Variants in RFLNA observed in about 807,000 individuals in gnomAD.
RFLNA encodes refilin-A.
In RFLNA, 5 loss-of-function variants were observed where a neutral mutation model predicts 7.8. The observed-to-expected ratio is 0.64, with a 90% CI of 0.34 to 1.35. The LOEUF (loss-of-function observed/expected upper bound fraction) is 1.35, where lower values mean the gene tolerates loss of function less well. Ranked by LOEUF, RFLNA falls within the 40% of genes most tolerant of loss-of-function variation. The pLI is 0.04. For missense variants in RFLNA, 278 were observed against 305.5 expected (o/e 0.91, Z 0.67); for synonymous variants, 141 against 131.3 (o/e 1.07, Z -0.50).
upstream of RFLNA, among the ~76,000 whole-genome samples, chr12:124,290,345 T>C (rs561773753): frequency 2.0e-5 from 3 of 151,740 alleles, no homozygotes; most frequent in Admixed American, 1.3e-4. This position sits in a 1 kb window ranked among gnomAD's most constrained non-coding sequence, Gnocchi z 4.0. Context: ...CATATGTGTG[T>C]GCATATGTGT....
intron 1 of RFLNA, among the ~76,000 whole-genome samples, chr12:124,300,865 T>C (rs2034023181): frequency 6.9e-6 from 1 of 145,142 alleles, no homozygotes; most frequent in Admixed American, 6.8e-5. Context: ...GGTGGATGGA[T>C]GGATGGATGA....
chr12:124,298,835 G>C (rs1203864187), intron 1 of RFLNA, among the ~76,000 whole-genome samples: 1 of 152,244 alleles, frequency 6.6e-6, no homozygotes. Flanking sequence ...GGGCTGAGAT[G>C]TGCTCAGTCC....
At chr12:124,313,495 G>A (rs1024632603) in intron 2 of RFLNA, among the ~76,000 whole-genome samples, 3 of 152,140 alleles carry the variant, frequency 2.0e-5, no homozygotes, top group Admixed American at 6.5e-5. Context: ...TGGCTAACAC[G>A]GTGAAACTCC....
chr12:124,314,984 A>G lies in RFLNA; in HGVS notation c.*459A>G, dbSNP rs1593043007. 3.3e-6 allele frequency: 1 copy of G among 304,028 alleles called. No homozygotes were observed. Among genetic ancestry groups the G allele is most frequent in the South Asian group, 3.1e-5 (1 of 32,458 alleles). 18.8% of individuals were successfully genotyped at this position (304,028 alleles called of 1,614,324 possible). A position where few individuals can be genotyped will look rare whatever the true frequency, so the allele number is the denominator to read the frequency against. On this transcript the variant is annotated 3_prime_UTR_variant, in exon 3 of 3. Coordinates refer to ENST00000546355, the MANE Select transcript of RFLNA (RefSeq NM_001365156.1). ...TGGTGGCCAAGGCCATGTGTGAGGG[A>G]AGAGGGGTACCTCTCTTCCCTGCTG...
At chr12:124,296,325 C>G (rs2033928311) in intron 1 of RFLNA, among the ~76,000 whole-genome samples, 1 of 150,400 alleles carries the variant, frequency 6.6e-6, no homozygotes, top group African/African-American at 2.5e-5. Context: ...GAGTTTGTCT[C>G]CTGCCAGACT....
At chr12:124,299,239 C>T (rs761052408) in intron 1 of RFLNA, among the ~76,000 whole-genome samples, 1 of 152,262 alleles carries the variant, frequency 6.6e-6, no homozygotes, top group South Asian at 2.1e-4. Flanking sequence ...TGTCTCCATG[C>T]GGGCAGGGAC....
At chr12:124,294,396 G>T (rs1270571369), upstream of RFLNA, among the ~76,000 whole-genome samples, 2 of 152,196 alleles carry the variant, frequency 1.3e-5, no homozygotes, top group Non-Finnish European at 2.9e-5. Flanking sequence ...CTGTGTGGCT[G>T]GGCGCTGGAA....
chr12:124,292,095 C>A (rs2033832928), upstream of RFLNA, among the ~76,000 whole-genome samples: 1 of 152,224 alleles, frequency 6.6e-6, no homozygotes, highest in African/African-American at 2.4e-5. Context: ...ACTCTCCTTT[C>A]TTTCATCCAA....
chr12:124,314,750 AT>A lies in RFLNA; in HGVS notation c.*232del, dbSNP rs1030011978. On this transcript the variant is annotated 3_prime_UTR_variant, in exon 3 of 3. Transcript: ENST00000546355. ...TGTCAAGGACTCAGTAAAAGCATCTATTTTTTTAGCACTTAAGCTGGCAAGG... is the reference window on the plus strand; with the variant it reads ...TGTCAAGGACTCAGTAAAAGCATCTATTTTTTAGCACTTAAGCTGGCAAGG... 2.1e-5 allele frequency: 17 copies of A among 804,890 alleles called. No homozygotes were observed. The highest frequency in any genetic ancestry group is 3.1e-5 in the Non-Finnish European group (15 of 480,364). 49.9% of individuals were successfully genotyped at this position (804,890 alleles called of 1,614,324 possible).
At chr12:124,303,311 G>A (rs1459440656) in intron 1 of RFLNA, among the ~76,000 whole-genome samples, 1 of 152,182 alleles carries the variant, frequency 6.6e-6, no homozygotes, top group African/African-American at 2.4e-5. Context: ...GCCAGCGAGT[G>A]TTCATCCCCA....
At chr12:124,298,297 C>G (rs905891194) in intron 1 of RFLNA, among the ~76,000 whole-genome samples, 42 of 151,980 alleles carry the variant, frequency 2.8e-4, no homozygotes, top group African/African-American at 8.2e-4. Context: ...TTAAAGAGGC[C>G]CCCCCACTTT....
intron 2 of RFLNA, 140 bp from the exon 3 acceptor site, chr12:124,314,052 T>C: frequency 8.8e-7 from 1 of 1,142,814 alleles, no homozygotes. Flanking sequence ...TTGACCTTCT[T>C]GACCTTGACA....
intron 1 of RFLNA, among the ~76,000 whole-genome samples, chr12:124,309,652 G>A (rs1050803551): frequency 7.2e-5 from 11 of 152,230 alleles, no homozygotes; most frequent in Admixed American, 3.3e-4. Context: ...CCCTTGGAGC[G>A]GGCACGTGTA....
At position 124,289,727 on chromosome 12, in the gene RFLNA, G is replaced by A. The variant is rs1162053765; in HGVS notation, c.-37+357G>A. ...AAAATGAAGAGGTGAGTCACTGCTG[G>A]AGCTCTGTCCAGGCGTGGACATCTG... On this transcript the variant is annotated intron_variant, in intron 1 of 2. Coordinates refer to the RFLNA transcript ENST00000324038. This position sits in a 1 kb window ranked among gnomAD's most constrained non-coding sequence, Gnocchi z 5.0. Among the ~76,000 whole-genome samples the A allele has an allele frequency of 2.0e-5, 3 of 152,176 alleles. No individual in the cohort carries two copies. Among genetic ancestry groups the A allele is most frequent in the Non-Finnish European group, 4.4e-5 (3 of 68,032 alleles).
At chr12:124,296,130 C>T (rs7308535) in intron 1 of RFLNA, among the ~76,000 whole-genome samples, 360 of 1,112 alleles carry the variant, frequency 0.32, 101 homozygotes, top group East Asian at 0.71. Flanking sequence ...CTTTCTCTCT[C>T]TCTCTCTCTT....
Position 124,314,830 on chromosome 12 carries a change from A to T in RFLNA, c.*305A>T. On this transcript the variant is annotated 3_prime_UTR_variant, in exon 3 of 3. Coordinates refer to ENST00000546355, the MANE Select transcript of RFLNA (RefSeq NM_001365156.1). ...GCCACCCCCAGGGTCAGGGGAAAAG[A>T]ATGGGTCCATGGAGTGCCCTTGAAG... The T allele has an allele frequency of 1.7e-6, 1 of 591,304 alleles. No homozygotes were observed. The highest frequency in any genetic ancestry group is 3.2e-6 in the Non-Finnish European group (1 of 314,438). 36.6% of individuals were successfully genotyped at this position (591,304 alleles called of 1,614,324 possible).
At chr12:124,290,464 G>A (rs1018282453), upstream of RFLNA, among the ~76,000 whole-genome samples, 5 of 151,898 alleles carry the variant, frequency 3.3e-5, no homozygotes, top group Non-Finnish European at 7.4e-5. The surrounding 1 kb of genome is among the most constrained non-coding windows in gnomAD (Gnocchi z 4.0). Context: ...ATGTATTTGT[G>A]TTATGTGTGT....
rs548796414 is a variant in RFLNA, at chr12:124,308,860, C to T, written c.208-2958C>T. 5.3e-5 allele frequency among the ~76,000 whole-genome samples: 8 copies of T among 152,336 alleles called. 1 individual carries two copies. The South Asian group carries it at 6.2e-4, about 12-fold the overall frequency. On this transcript the variant is annotated intron_variant, in intron 1 of 2. Coordinates refer to ENST00000546355, the MANE Select transcript of RFLNA (RefSeq NM_001365156.1). ...CGGCTGGAACCTCACCCACAGCCTG[C>T]GTCCCCCTAGGGTGGCCTGTGCAGG...
chr12:124,297,411 G>T (rs1221853219), intron 1 of RFLNA, among the ~76,000 whole-genome samples: 1 of 152,076 alleles, frequency 6.6e-6, no homozygotes, highest in African/African-American at 2.4e-5. Flanking sequence ...ATGATACTTG[G>T]CATTTAGATA....
Sources: gnomAD v4.1 joint callset for allele counts (sites outside exome capture counted in the v4.1 genomes callset) on GRCh38, gnomAD v4.1.1 for gene constraint, Gnocchi (gnomAD v3.1) non-coding constraint, MANE v1.5 for transcripts, NCBI Gene and HGNC (gene_info 2026-07-23, HGNC 2026-07-21) for gene names.